The following TRMT44 variants were observed in gnomAD, a reference collection of about 807,000 sequenced individuals.
TRMT44 encodes the protein tRNA methyltransferase 44 homolog.
TRMT44 carries 78 observed loss-of-function variants against 77.3 expected under a neutral mutation model. That is an observed-to-expected ratio of 1.01 (90% CI 0.84 to 1.22). The LOEUF is 1.22. TRMT44 is among the 50% of genes most tolerant of loss of function. The pLI is 0.00. For synonymous variants in TRMT44, 391 were observed against 383.3 expected (o/e 1.02, Z -0.23); for missense variants, 1,090 against 964.4 (o/e 1.13, Z -1.73).
At chr4:8,457,972 G>T (rs1267527634) in intron 6 of TRMT44, among the ~76,000 whole-genome samples, 1 of 152,208 alleles carries the variant, frequency 6.6e-6, no homozygotes, top group Non-Finnish European at 1.5e-5. Context: ...CACTCCAGAG[G>T]AATTAACTAC....
rs184427543 is a variant in TRMT44 at position 8,452,880 on chromosome 4, A to T, written c.1024-2A>T. On this transcript the variant is annotated splice_acceptor_variant, in intron 4 of 10. Coordinates refer to ENST00000389737, the MANE Select transcript of TRMT44 (RefSeq NM_152544.3). LOFTEE classifies it high-confidence loss of function. The surrounding 1 kb of genome is among the most constrained non-coding windows in gnomAD (Gnocchi z 5.7). ...CTTTGTTTTGTTTTTCTCTTCACTT[A>T]GATTCTATGGGAAGAAGAAAGGGCT... 1.3e-6 allele frequency: 2 copies of T among 1,511,430 alleles called. No homozygotes were observed. The highest frequency in any genetic ancestry group is 1.8e-6 in the Non-Finnish European group (2 of 1,129,670). The allele number at this position is 1,511,430 out of a possible 1,614,324, so 93.6% of individuals were successfully genotyped here.
At chr4:8,458,464 C>CTTTTTTTTT (rs56203512) in intron 6 of TRMT44, among the ~76,000 whole-genome samples, 1 of 130,334 alleles carries the variant, frequency 7.7e-6, no homozygotes, top group African/African-American at 2.8e-5. Flanking sequence ...CTTTTCTTTT[C>CTTTTTTTTT]TTTTTTTTTT....
intron 2 of TRMT44, among the ~76,000 whole-genome samples, chr4:8,485,953 TG>T (rs1727790127): frequency 6.6e-6 from 1 of 152,122 alleles, no homozygotes; most frequent in African/African-American, 2.4e-5. Flanking sequence ...AAACAGGGGA[TG>T]GACTTACCCT....
intron 10 of TRMT44, 64 bp downstream of exon 10, chr4:8,471,264 A>T (rs1032435414): frequency 8.3e-7 from 1 of 1,203,570 alleles, no homozygotes; most frequent in East Asian, 2.4e-5. Flanking sequence ...CAGTTAAATA[A>T]TGTTTTATTT....
chr4:8,464,169 C>T, intron 7 of TRMT44, 78 bp downstream of exon 7: 2 of 1,165,420 alleles, frequency 1.7e-6, no homozygotes, highest in Admixed American at 2.0e-5. Context: ...AAAGGGTAGC[C>T]ACTAGCTGCG....
At chr4:8,501,271 A>G in the TRMT44 span, among the ~76,000 whole-genome samples, 2 of 152,180 alleles carry the variant, frequency 1.3e-5, no homozygotes, top group Admixed American at 1.3e-4. This position sits in a 1 kb window ranked among gnomAD's most constrained non-coding sequence, Gnocchi z 4.4. Context: ...CCCCTGGTCC[A>G]TCGGGGGATG....
the TRMT44 span, among the ~76,000 whole-genome samples, chr4:8,502,489 C>T: frequency 1.2e-4 from 18 of 152,366 alleles, no homozygotes; most frequent in East Asian, 2.7e-3. Flanking sequence ...TCCCTGCTCA[C>T]GGTCACATCA....
At chr4:8,487,672 C>T (rs754796501) in intron 2 of TRMT44, among the ~76,000 whole-genome samples, 13 of 151,814 alleles carry the variant, frequency 8.6e-5, no homozygotes, top group Admixed American at 3.3e-4. Flanking sequence ...CCTAGAAAAG[C>T]GGGACTTACC....
intron 10 of TRMT44, among the ~76,000 whole-genome samples, chr4:8,473,816 C>T (rs1727186741): frequency 6.6e-6 from 1 of 152,132 alleles, no homozygotes; most frequent in Non-Finnish European, 1.5e-5. Context: ...GGCACCTGGC[C>T]AGATGGGGGC....
At chr4:8,485,324 G>A (rs1446457050) in intron 2 of TRMT44, among the ~76,000 whole-genome samples, 1 of 152,158 alleles carries the variant, frequency 6.6e-6, no homozygotes, top group East Asian at 1.9e-4. Flanking sequence ...TGTACGGGTT[G>A]GGCACCACAG....
rs187945236 is a variant in TRMT44, at chr4:8,475,134, G to A, written c.2045-638G>A. ...GAGGCGCATGTAAACCCAGTGCACCGGGACGGCACCAAGGAGCAGAGGCTG... is the reference window on the plus strand; with the variant it reads ...GAGGCGCATGTAAACCCAGTGCACCAGGACGGCACCAAGGAGCAGAGGCTG... On this transcript the variant is annotated intron_variant, in intron 10 of 10. Transcript: ENST00000389737. 8.5e-5 allele frequency among the ~76,000 whole-genome samples: 13 copies of A among 152,338 alleles called. No homozygotes were observed. In the East Asian group the frequency reaches 2.3e-3, roughly 27 times the overall value.
downstream of TRMT44, chr4:8,476,710 T>C (rs1579090601): frequency 6.6e-6 from 1 of 152,254 alleles, no homozygotes; most frequent in Non-Finnish European, 1.5e-5. Context: ...CAGTCCTTTT[T>C]AGTCCTTCCA....
the TRMT44 span, among the ~76,000 whole-genome samples, chr4:8,516,270 G>A: frequency 8.6e-4 from 131 of 152,288 alleles, 1 homozygote; most frequent in Middle Eastern, 3.4e-3. Flanking sequence ...GCAGACGACA[G>A]CCTGAGCACT....
intron 10 of TRMT44, among the ~76,000 whole-genome samples, chr4:8,471,889 G>C (rs1323231137): frequency 2.6e-5 from 4 of 152,248 alleles, no homozygotes; most frequent in African/African-American, 9.6e-5. Flanking sequence ...GGTGCCAGTG[G>C]TGTACACACT....
At chr4:8,465,291 T>C (rs557093141) in intron 7 of TRMT44, 87 bp from the exon 8 acceptor site, 8 of 1,331,064 alleles carry the variant, frequency 6.0e-6, no homozygotes, top group South Asian at 5.6e-5. Flanking sequence ...TGCCCTGATA[T>C]GCGATTGCCG....
chr4:8,466,468 T>C (rs1027612193), intron 8 of TRMT44, among the ~76,000 whole-genome samples: 16 of 152,324 alleles, frequency 1.1e-4, no homozygotes, highest in African/African-American at 3.4e-4. Flanking sequence ...CCGGCTGCCG[T>C]CATAGCCGTG....
At chr4:8,504,429 C>G in the TRMT44 span, among the ~76,000 whole-genome samples, 1 of 152,106 alleles carries the variant, frequency 6.6e-6, no homozygotes, top group African/African-American at 2.4e-5. This position sits in a 1 kb window ranked among gnomAD's most constrained non-coding sequence, Gnocchi z 5.3. Context: ...TGTGCCAGCT[C>G]CAGCTTTTCA....
chr4:8,460,844 C>T (rs1487009127), intron 6 of TRMT44, among the ~76,000 whole-genome samples: 2 of 151,830 alleles, frequency 1.3e-5, no homozygotes, highest in Admixed American at 6.6e-5. Flanking sequence ...AGCCACCACA[C>T]GCAGCCCCCC....
chr4:8,467,926 G>A lies in TRMT44; in HGVS notation c.1507G>A (p.Gly503Arg), dbSNP rs1351978718. The stretch of plus-strand genomic sequence containing the variant: ...TCTTCAAACGCAGGTCTGTCTCGTT[G>A]GAAAATCCAGAACATACCCTTCCTC... Reference protein sequence around the residue: ...IPSTKRVCLVGKSRTYPSSRE... With the variant: ...IPSTKRVCLVRKSRTYPSSRE... Residue 503 changes from glycine to arginine, a missense_variant, in exon 9 of 11, where the codon GGA becomes AGA. Transcript: ENST00000389737. The A allele has an allele frequency of 1.9e-6, 3 of 1,601,776 alleles. No individual in the cohort carries two copies. Among genetic ancestry groups the A allele is most frequent in the Non-Finnish European group, 2.6e-6 (3 of 1,171,068 alleles).
Sources: allele counts gnomAD v4.1 joint callset (sites outside exome capture counted in the v4.1 genomes callset), GRCh38; gene constraint gnomAD v4.1.1; non-coding constraint Gnocchi (gnomAD v3.1); transcripts MANE v1.5; gene names NCBI Gene and HGNC (gene_info 2026-07-23, HGNC 2026-07-21).